Variants in NBEA observed in about 807,000 individuals in gnomAD.
The protein encoded by NBEA is neurobeachin, also known as lysosomal-trafficking regulator 2.
A neutral mutation model predicts 343.4 loss-of-function variants in NBEA; 44 were observed. The ratio of observed to expected loss-of-function variants is 0.13; its 90% confidence interval spans 0.10 to 0.16. The LOEUF (loss-of-function observed/expected upper bound fraction) is 0.16, where lower values mean the gene tolerates loss of function less well. NBEA is among the 10% of genes least tolerant of loss of function. NBEA has a pLI of 1.00. For synonymous variants in NBEA, 1,175 were observed against 1,238.7 expected, an observed-to-expected ratio of 0.95 and a Z score of 1.08; for missense variants, 2,555 against 3,631.3, an observed-to-expected ratio of 0.70 and a Z score of 7.62.
At chr13:35,169,767 A>AT (rs2070321347) in intron 25 of NBEA, among the ~76,000 whole-genome samples, 1 of 151,716 alleles carries the variant, frequency 6.6e-6, no homozygotes, top group African/African-American at 2.4e-5. Flanking sequence ...TTTAAAATGA[A>AT]TTTTTTGCTC....
chr13:35,389,966 G>A (rs1414586443), intron 38 of NBEA, among the ~76,000 whole-genome samples: 1 of 37,578 alleles, frequency 2.7e-5, no homozygotes, highest in Non-Finnish European at 6.1e-5. Flanking sequence ...TATGTCTTTT[G>A]TAGAGTGTGT....
chr13:35,247,554 G>A (rs140893998), intron 34 of NBEA, among the ~76,000 whole-genome samples: 136 of 152,104 alleles, frequency 8.9e-4, no homozygotes, highest in African/African-American at 2.7e-3. Flanking sequence ...AGACCCTCAC[G>A]TTCCCCAGTG....
chr13:35,254,148 A>G (rs2032304063), intron 34 of NBEA, among the ~76,000 whole-genome samples: 1 of 151,994 alleles, frequency 6.6e-6, no homozygotes, highest in Non-Finnish European at 1.5e-5. Flanking sequence ...TGGGGAAACT[A>G]TTATAATAAT....
At chr13:35,294,144 T>C (rs547053317) in intron 35 of NBEA, among the ~76,000 whole-genome samples, 69 of 152,204 alleles carry the variant, frequency 4.5e-4, no homozygotes, top group African/African-American at 1.5e-3. Context: ...ATACCTCATA[T>C]ACTTAAATAA....
At chr13:35,384,682 T>A (rs2042162707) in intron 38 of NBEA, among the ~76,000 whole-genome samples, 1 of 151,982 alleles carries the variant, frequency 6.6e-6, no homozygotes, top group Non-Finnish European at 1.5e-5. Context: ...CCTGCCATCA[T>A]GCCGGGCTAA....
intron 1 of NBEA, among the ~76,000 whole-genome samples, chr13:35,007,717 T>A (rs2061364108): frequency 6.6e-6 from 1 of 152,172 alleles, no homozygotes. Context: ...GGTCTGGAAC[T>A]GCTGAGTTCA....
chr13:35,616,261 A>T (rs2082733991), intron 48 of NBEA, among the ~76,000 whole-genome samples: 1 of 152,192 alleles, frequency 6.6e-6, no homozygotes, highest in Admixed American at 6.5e-5. Context: ...TGTATTTTGA[A>T]TTAAATTTAA....
intron 10 of NBEA, among the ~76,000 whole-genome samples, chr13:35,097,487 A>G (rs1341059201): frequency 6.6e-6 from 1 of 152,004 alleles, no homozygotes; most frequent in Non-Finnish European, 1.5e-5. Context: ...CAATGAAGGA[A>G]TATGTATTTC....
Position 35,622,189 on chromosome 13 carries a change from G to C in NBEA, c.7450-5892G>C, listed in dbSNP as rs10507426. Among the ~76,000 whole-genome samples the C allele has an allele frequency of 3.2e-3, 492 of 152,252 alleles. 3 individuals carry two copies. The highest frequency in any genetic ancestry group is 0.011 in the African/African-American group (475 of 41,526). ...AGAGAAAGAAAGCAAAAGCTCTGAG[G>C]TCATACCAGCTGCTGTGTGCCCAAG... On this transcript the variant is annotated intron_variant, in intron 48 of 58. Transcript: ENST00000379939.
chr13:35,646,207 C>G, intron 50 of NBEA, 52 bp from the exon 51 acceptor site: 3 of 1,330,118 alleles, frequency 2.3e-6, no homozygotes, highest in Non-Finnish European at 3.2e-6. Context: ...AGTGTGTTGG[C>G]CTCTCTCTTT....
chr13:35,306,669 T>G (rs970260790), intron 35 of NBEA, among the ~76,000 whole-genome samples: 1 of 152,096 alleles, frequency 6.6e-6, no homozygotes, highest in Non-Finnish European at 1.5e-5. Flanking sequence ...GTAGTGACTT[T>G]GAAAGTAATA....
intron 41 of NBEA, among the ~76,000 whole-genome samples, chr13:35,494,388 T>C (rs2076602699): frequency 6.6e-6 from 1 of 151,968 alleles, no homozygotes; most frequent in Admixed American, 6.6e-5. Flanking sequence ...GCAAATAAGA[T>C]CTAAATTTTT....
chr13:35,409,062 C>G (rs963401839), intron 38 of NBEA, among the ~76,000 whole-genome samples: 2 of 152,134 alleles, frequency 1.3e-5, no homozygotes, highest in Non-Finnish European at 2.9e-5. Flanking sequence ...CATTGCAGCA[C>G]TATTCACAAT....
chr13:35,122,168 G>A (rs2066837535), intron 16 of NBEA, among the ~76,000 whole-genome samples: 1 of 152,030 alleles, frequency 6.6e-6, no homozygotes, highest in South Asian at 2.1e-4. Context: ...CCAAGTAACA[G>A]AAAACCTCTA....
chr13:35,500,523 T>G (rs781166011), intron 41 of NBEA, among the ~76,000 whole-genome samples: 2 of 151,982 alleles, frequency 1.3e-5, no homozygotes, highest in Non-Finnish European at 2.9e-5. Context: ...TGTTTGGAGG[T>G]TACAGGTGCT....
intron 38 of NBEA, among the ~76,000 whole-genome samples, chr13:35,420,474 T>A (rs1229446876): frequency 6.6e-6 from 1 of 151,994 alleles, no homozygotes; most frequent in Admixed American, 6.6e-5. Context: ...TGGTCTGTAG[T>A]TTTCTTTTTT....
At chr13:35,048,760 TTAGA>T (rs1336738523) in intron 5 of NBEA, 76 bp downstream of exon 5, 20 of 800,722 alleles carry the variant, frequency 2.5e-5, no homozygotes, top group Admixed American at 8.2e-5. Context: ...TCAAGGCAAC[TTAGA>T]TAGAATATAT....
intron 45 of NBEA, among the ~76,000 whole-genome samples, chr13:35,579,391 G>T (rs2080900021): frequency 6.6e-6 from 1 of 151,714 alleles, no homozygotes; most frequent in Admixed American, 6.6e-5. Flanking sequence ...TATAATTTTT[G>T]TGGTCATTTT....
intron 36 of NBEA, among the ~76,000 whole-genome samples, chr13:35,327,164 A>G (rs1217292544): frequency 6.6e-6 from 1 of 152,060 alleles, no homozygotes; most frequent in Non-Finnish European, 1.5e-5. Flanking sequence ...GGGAATGCTT[A>G]TACACTGTTG....
Sources: allele counts gnomAD v4.1 joint callset (sites outside exome capture counted in the v4.1 genomes callset), GRCh38; gene constraint gnomAD v4.1.1; transcripts MANE v1.5; gene names NCBI Gene and HGNC (gene_info 2026-07-23, HGNC 2026-07-21).